FTO: variants seen among roughly 807,000 people sequenced by gnomAD.
FTO encodes the protein FTO alpha-ketoglutarate dependent dioxygenase.
Under a neutral mutation model 63.9 loss-of-function variants are expected in FTO, and 47 were observed. The observed-to-expected ratio is 0.74, with a 90% confidence interval of 0.58 to 0.94. FTO has a LOEUF of 0.94. FTO is among the 40% of genes least tolerant of loss of function. The pLI is 0.00. For missense variants in FTO, 562 were observed against 618.1 expected (o/e 0.91, Z 0.96); for synonymous variants, 207 against 224.4 (o/e 0.92, Z 0.69).
chr16:53,937,293 G>A (rs558143329), intron 8 of FTO: 7 of 398,636 alleles, frequency 1.8e-5, no homozygotes, highest in South Asian at 1.3e-4. Flanking sequence ...TGTGAATGCA[G>A]GGTAAGTGTT....
chr16:54,037,762 C>T (rs2084974740), intron 8 of FTO, among the ~76,000 whole-genome samples: 2 of 152,118 alleles, frequency 1.3e-5, no homozygotes, highest in Admixed American at 1.3e-4. Flanking sequence ...TGGAGAAATG[C>T]ATATGATATA....
chr16:53,796,824 C>T (rs2151702983), intron 1 of FTO, among the ~76,000 whole-genome samples: 1 of 152,254 alleles, frequency 6.6e-6, no homozygotes, highest in South Asian at 2.1e-4. Context: ...ATAGAATAAA[C>T]TGCACATATT....
chr16:53,703,985 C>A, upstream of FTO: 1 of 657,546 alleles, frequency 1.5e-6, no homozygotes, highest in South Asian at 1.7e-5. Context: ...AGCTGTCGGA[C>A]CTGGGAAATT....
At chr16:53,978,745 C>T (rs1259621809) in intron 8 of FTO, among the ~76,000 whole-genome samples, 1 of 151,994 alleles carries the variant, frequency 6.6e-6, no homozygotes, top group Non-Finnish European at 1.5e-5. Context: ...ATCTGTAATC[C>T]CAGCACTTTG....
chr16:53,890,990 T>G (rs1306974259), intron 7 of FTO, among the ~76,000 whole-genome samples: 3 of 151,282 alleles, frequency 2.0e-5, no homozygotes, highest in Admixed American at 2.0e-4. Flanking sequence ...GGAGCTCTTA[T>G]TGATTTTTTT....
chr16:54,052,537 A>G (rs1385024718), intron 8 of FTO: 1 of 152,122 alleles, frequency 6.6e-6, no homozygotes, highest in Non-Finnish European at 1.5e-5. Context: ...ACTAAACACC[A>G]ATCACTGATT....
chr16:53,812,575 C>T (rs753238140), intron 2 of FTO, among the ~76,000 whole-genome samples: 3 of 152,128 alleles, frequency 2.0e-5, no homozygotes, highest in Admixed American at 2.0e-4. Context: ...CTCTGTACTT[C>T]GTTCAGTGCC....
intron 7 of FTO, among the ~76,000 whole-genome samples, chr16:53,902,886 C>G (rs902197445): frequency 6.6e-6 from 1 of 152,096 alleles, no homozygotes; most frequent in Admixed American, 6.6e-5. Context: ...GACTGAGGGG[C>G]GAGGATCACT....
chr16:53,924,735 CAG>C (rs369891034), intron 7 of FTO, among the ~76,000 whole-genome samples: 4 of 152,098 alleles, frequency 2.6e-5, no homozygotes, highest in South Asian at 2.1e-4. Flanking sequence ...ATTCAGGAAA[CAG>C]GGGAAAGAAA....
chr16:53,929,580 A>G (rs1369490591), intron 7 of FTO, among the ~76,000 whole-genome samples: 3 of 152,248 alleles, frequency 2.0e-5, no homozygotes, highest in African/African-American at 7.2e-5. Context: ...GCTAGGTCAT[A>G]TGCTAAACGT....
At chr16:54,038,163 G>A (rs2084987751) in intron 8 of FTO, among the ~76,000 whole-genome samples, 2 of 152,256 alleles carry the variant, frequency 1.3e-5, no homozygotes, top group South Asian at 2.1e-4. Context: ...GTAGAGACTT[G>A]GCCCCAGACA....
At chr16:53,832,431 A>AT (rs1475776044) in intron 3 of FTO, among the ~76,000 whole-genome samples, 3 of 150,474 alleles carry the variant, frequency 2.0e-5, no homozygotes, top group African/African-American at 4.9e-5. Flanking sequence ...ATTGTTTTTT[A>AT]TTTGTTTGTA....
intron 8 of FTO, among the ~76,000 whole-genome samples, chr16:53,936,678 G>A (rs1310347640): frequency 1.3e-5 from 2 of 152,206 alleles, no homozygotes; most frequent in Non-Finnish European, 2.9e-5. Flanking sequence ...CAAAGGCCAA[G>A]CAATAGGTTA....
At chr16:53,939,785 A>G (rs575252966) in intron 8 of FTO, among the ~76,000 whole-genome samples, 3 of 152,362 alleles carry the variant, frequency 2.0e-5, no homozygotes, top group South Asian at 2.1e-4. Flanking sequence ...GTTATAGCAT[A>G]TAAGTACTTC....
At chr16:53,779,421 G>C (rs933812559) in intron 1 of FTO, among the ~76,000 whole-genome samples, 2 of 152,114 alleles carry the variant, frequency 1.3e-5, no homozygotes, top group African/African-American at 4.8e-5. Flanking sequence ...AAAGAAGAGT[G>C]ATCCCTTTGT....
intron 1 of FTO, among the ~76,000 whole-genome samples, chr16:53,743,019 G>T (rs553924346): frequency 1.3e-5 from 2 of 152,248 alleles, no homozygotes; most frequent in African/African-American, 4.8e-5. Context: ...ATGTGGAAAA[G>T]GTTAGAGTGT....
Position 53,844,281 on chromosome 16 carries a change from A to T in FTO, c.878A>T (p.Asp293Val), listed in dbSNP as rs1239366948. ...PGLAIPLHQG[D>V]CYFMLDDLNA... ...TTGGCGATACCCCTTCACCAAGGAG[A>T]CTGCTATTTCATGCTTGGTAATCTT... is the stretch of plus-strand genomic sequence containing the variant. Residue 293 changes from aspartate (D) to valine (V), a missense_variant, in exon 4 of 9, where the codon GAC becomes GTC. Asp to Val is a radical substitution (Grantham distance 152, BLOSUM62 -3). Coordinates refer to ENST00000471389, the MANE Select transcript of FTO (RefSeq NM_001080432.3). 6.2e-7 allele frequency: 1 copy of T among 1,613,436 alleles called. No homozygotes were observed. The highest frequency in any genetic ancestry group is 8.5e-7 in the Non-Finnish European group (1 of 1,179,368).
intron 8 of FTO, among the ~76,000 whole-genome samples, chr16:53,982,257 A>G (rs533841826): frequency 2.6e-5 from 4 of 152,288 alleles, no homozygotes; most frequent in East Asian, 1.9e-4. Context: ...TACCCTTACA[A>G]TAGGGCATGG....
intron 7 of FTO, among the ~76,000 whole-genome samples, chr16:53,895,402 G>A (rs989163166): frequency 6.6e-6 from 1 of 152,138 alleles, no homozygotes; most frequent in Non-Finnish European, 1.5e-5. Context: ...AAAGGACTGT[G>A]TTTATGATTC....
Sources: gnomAD v4.1 joint callset for allele counts (sites outside exome capture counted in the v4.1 genomes callset) on GRCh38, gnomAD v4.1.1 for gene constraint, MANE v1.5 for transcripts, NCBI Gene and HGNC (gene_info 2026-07-23, HGNC 2026-07-21) for gene names.